UTRN: variants seen among roughly 807,000 people sequenced by gnomAD.
The protein encoded by UTRN is utrophin.
Under a neutral mutation model 463.9 loss-of-function variants are expected in UTRN, and 283 were observed. That is an observed-to-expected ratio of 0.61 (90% CI 0.55 to 0.67). The LOEUF (loss-of-function observed/expected upper bound fraction) is 0.67, where lower values mean the gene tolerates loss of function less well. UTRN is among the 30% of genes least tolerant of loss of function. The pLI is 0.00. For missense variants in UTRN, 3,922 were observed against 4,084.3 expected (o/e 0.96, Z 1.08); for synonymous variants, 1,442 against 1,431.5 (o/e 1.01, Z -0.17).
intron 58 of UTRN, among the ~76,000 whole-genome samples, chr6:144,761,519 C>T (rs905463746): frequency 2.0e-5 from 3 of 151,860 alleles, no homozygotes; most frequent in Non-Finnish European, 4.4e-5. Flanking sequence ...TGGTAACATG[C>T]GCCTATAGTC....
chr6:144,705,170 G>A (rs993686077), intron 53 of UTRN, among the ~76,000 whole-genome samples: 1 of 152,094 alleles, frequency 6.6e-6, no homozygotes, highest in African/African-American at 2.4e-5. Context: ...GAGGGTTGTT[G>A]GCTCCTCATA....
rs1428641511 is a variant in UTRN, at chr6:144,690,072, C to CTA, written c.7653-10014_7653-10013insAT. Among the ~76,000 whole-genome samples the CTA allele has an allele frequency of 6.7e-4, 24 of 35,636 alleles. 5 individuals are homozygous for CTA. Among genetic ancestry groups the CTA allele is most frequent in the South Asian group, 4.3e-3 (3 of 698 alleles). The allele number at this position is 35,636 out of a possible 152,430, so 23.4% of individuals were successfully genotyped here. ...GGGGCCATAGAGCTCCCAAAAGTTT[C>CTA]TGTTTTTTTTTTTTTTTTTTTTTTG... is the stretch of plus-strand genomic sequence containing the variant. On this transcript the variant is annotated intron_variant, in intron 52 of 74. Transcript: ENST00000367545.
intron 69 of UTRN, among the ~76,000 whole-genome samples, chr6:144,833,171 C>T (rs899494189): frequency 1.3e-5 from 2 of 152,070 alleles, no homozygotes; most frequent in African/African-American, 4.8e-5. Context: ...CTATTTTTAT[C>T]GTAACACCTG....
At chr6:144,716,080 A>G (rs562761887) in intron 53 of UTRN, among the ~76,000 whole-genome samples, 23 of 152,292 alleles carry the variant, frequency 1.5e-4, no homozygotes, top group African/African-American at 4.8e-4. Flanking sequence ...AAATAACACA[A>G]TGGCACTTTA....
chr6:144,682,043 A>G (rs1585979032), intron 52 of UTRN, among the ~76,000 whole-genome samples: 1 of 152,128 alleles, frequency 6.6e-6, no homozygotes, highest in South Asian at 2.1e-4. Context: ...ATTATTGACT[A>G]TAATCACCCT....
At chr6:144,399,349 A>G (rs796293715) in intron 2 of UTRN, among the ~76,000 whole-genome samples, 11 of 152,314 alleles carry the variant, frequency 7.2e-5, no homozygotes, top group African/African-American at 2.6e-4. Context: ...ATTCACATGT[A>G]GGGCCCACAA....
intron 53 of UTRN, 51 bp downstream of exon 53, chr6:144,700,294 G>T: frequency 6.6e-7 from 1 of 1,513,902 alleles, no homozygotes; most frequent in Non-Finnish European, 8.9e-7. Flanking sequence ...TAGTGAGGTA[G>T]ATATTTGAAA....
Position 144,332,556 on chromosome 6 carries a change from C to A in UTRN, c.79+40649C>A, listed in dbSNP as rs12664304. Among the ~76,000 whole-genome samples, 2,061 of 150,716 alleles carry A rather than the reference C, an allele frequency of 0.014. 99 individuals are homozygous for A. In the East Asian group the frequency reaches 0.17, roughly 12 times the overall value. ...AAAACAAAGTGGGAGTATTTTGGAT[C>A]TTTGGAAGTTAACTTGAAAAAATCT... is the stretch of plus-strand genomic sequence containing the variant. On this transcript the variant is annotated intron_variant, in intron 2 of 74. Coordinates refer to ENST00000367545, the MANE Select transcript of UTRN (RefSeq NM_007124.3).
At chr6:144,698,502 T>G (rs1784241693) in intron 52 of UTRN, among the ~76,000 whole-genome samples, 1 of 152,254 alleles carries the variant, frequency 6.6e-6, no homozygotes, top group Admixed American at 6.5e-5. Context: ...GTTACACCTC[T>G]AAACCTCAAA....
chr6:144,615,814 A>T (rs1460278194), intron 51 of UTRN, among the ~76,000 whole-genome samples: 3 of 152,152 alleles, frequency 2.0e-5, no homozygotes, highest in Non-Finnish European at 4.4e-5. Flanking sequence ...AACATGACAT[A>T]AACCAAGTCA....
intron 54 of UTRN, among the ~76,000 whole-genome samples, chr6:144,740,554 G>T (rs9376848): frequency 6.6e-6 from 1 of 152,156 alleles, no homozygotes; most frequent in South Asian, 2.1e-4. Flanking sequence ...TAGTAAAGTT[G>T]TAATGCATGA....
At chr6:144,320,813 C>T (rs1306661597) in intron 2 of UTRN, among the ~76,000 whole-genome samples, 2 of 152,220 alleles carry the variant, frequency 1.3e-5, no homozygotes, top group Non-Finnish European at 2.9e-5. Context: ...GCATGTGCCT[C>T]ATTTAATACT....
chr6:144,398,225 T>C, intron 2 of UTRN: 1 of 267,754 alleles, frequency 3.7e-6, no homozygotes, highest in Non-Finnish European at 7.6e-6. Flanking sequence ...TACTGTGCTG[T>C]AGGTTTTTCC....
chr6:144,570,841 G>C (rs1454007196), intron 50 of UTRN, among the ~76,000 whole-genome samples: 2 of 152,108 alleles, frequency 1.3e-5, no homozygotes, highest in African/African-American at 2.4e-5. Flanking sequence ...CTTTATACTT[G>C]CTAGGTATTT....
At chr6:144,423,486 T>C in intron 4 of UTRN, 63 bp from the exon 5 acceptor site, 1 of 1,500,470 alleles carries the variant, frequency 6.7e-7, no homozygotes, top group Non-Finnish European at 9.3e-7. Flanking sequence ...ATCTCAGTGC[T>C]AGTGTTAGTC....
At chr6:144,586,244 G>C (rs1199532849) in intron 51 of UTRN, among the ~76,000 whole-genome samples, 1 of 151,994 alleles carries the variant, frequency 6.6e-6, no homozygotes, top group Non-Finnish European at 1.5e-5. Context: ...ACAGCTCTCA[G>C]AGTTAAAATA....
intron 19 of UTRN, among the ~76,000 whole-genome samples, chr6:144,456,653 AAATAATAAT>A (rs57694055): frequency 0.18 from 24,604 of 140,460 alleles, 2,340 homozygotes; most frequent in South Asian, 0.29. Flanking sequence ...CTCTGTCTCA[AAATAATAAT>A]AATAATAATA....
At position 144,737,238 on chromosome 6, in the gene UTRN, T is replaced by C. The variant is rs1789519751; in HGVS notation, c.7939+6752T>C. Among the ~76,000 whole-genome samples the C allele has an allele frequency of 2.0e-5, 3 of 152,152 alleles. No homozygotes were observed. In the South Asian group the frequency reaches 6.2e-4, roughly 32 times the overall value. On this transcript the variant is annotated intron_variant, in intron 54 of 74. Coordinates refer to ENST00000367545, the MANE Select transcript of UTRN (RefSeq NM_007124.3). ...CCACTGAAGTACTTCTCAGAGGTAT[T>C]AACTTCTGCTGTAGACACTGGTGCG...
chr6:144,462,936 G>C (rs562694764), intron 23 of UTRN, 70 bp downstream of exon 23: 1 of 1,207,254 alleles, frequency 8.3e-7, no homozygotes, highest in East Asian at 2.5e-5. Flanking sequence ...TAAGATTCAC[G>C]TATTTATTAT....
Sources: gnomAD v4.1 joint callset for allele counts (sites outside exome capture counted in the v4.1 genomes callset) on GRCh38, gnomAD v4.1.1 for gene constraint, MANE v1.5 for transcripts, NCBI Gene and HGNC (gene_info 2026-07-23, HGNC 2026-07-21) for gene names.